The following CIZ1 variants were observed in gnomAD, a reference collection of about 807,000 sequenced individuals.
CIZ1 encodes cip1-interacting zinc finger protein.
In CIZ1, 58 loss-of-function variants were observed where a neutral mutation model predicts 118.6. The ratio of observed to expected loss-of-function variants is 0.49; its 90% CI spans 0.40 to 0.61. The LOEUF (loss-of-function observed/expected upper bound fraction) is 0.61. Ranked by LOEUF, CIZ1 falls within the 20% of genes least tolerant of loss-of-function variation. The probability of loss-of-function intolerance (pLI) is 0.00; values close to 1 mark genes in which losing one functional copy is unlikely to be tolerated. For missense variants in CIZ1, 921 were observed against 1,115.9 expected (o/e 0.83, Z 2.49); for synonymous variants, 448 against 443.4 (o/e 1.01, Z -0.13).
At chr9:128,171,693 C>T (rs1032825075) in intron 11 of CIZ1, among the ~76,000 whole-genome samples, 6 of 151,772 alleles carry the variant, frequency 4.0e-5, no homozygotes, top group Non-Finnish European at 8.8e-5. Context: ...GCCAAGATCG[C>T]GCCACTGCAC....
At chr9:128,191,761 G>A, upstream of CIZ1, 1 of 1,406,916 alleles carries the variant, frequency 7.1e-7, no homozygotes, top group Non-Finnish European at 9.3e-7. The surrounding 1 kb of genome is among the most constrained non-coding windows in gnomAD (Gnocchi z 5.5). Flanking sequence ...GCATCGCGAA[G>A]GGGAGGCTCG....
chr9:128,173,135 C>CT (rs957423189), intron 11 of CIZ1, among the ~76,000 whole-genome samples: 1,856 of 80,836 alleles, frequency 0.023, 147 homozygotes, highest in African/African-American at 0.049. Flanking sequence ...TGGCTAATTT[C>CT]TTTTTTTTTT....
At chr9:128,199,193 C>T (rs966121543) in intron 1 of CIZ1, among the ~76,000 whole-genome samples, 2 of 151,854 alleles carry the variant, frequency 1.3e-5, no homozygotes, top group African/African-American at 4.8e-5. Flanking sequence ...CATGGTGAAA[C>T]CCTGTCTGTA....
chr9:128,172,498 A>G (rs542017373), intron 11 of CIZ1, among the ~76,000 whole-genome samples: 149 of 152,186 alleles, frequency 9.8e-4, no homozygotes, highest in South Asian at 3.1e-3. Flanking sequence ...CTCTCAAAAA[A>G]AAACCAAAAA....
chr9:128,180,427 T>A lies in CIZ1; in HGVS notation c.779A>T (p.Lys260Met). ...CAGCATCAGTTACCTCCTCAATCTC[T>A]TTGCTGGCAGCTCGGACGCCTCACA... The part of the protein sequence containing the change: ...EPCEASELPA[K>M]RLRSSEEPTE... Residue 260 changes from lysine to methionine, a missense_variant, in exon 7 of 17, where the codon AAG becomes ATG. Physicochemically the swap from Lys to Met is moderately conservative, Grantham distance 95 (BLOSUM62 -1). Coordinates refer to ENST00000372938, the MANE Select transcript of CIZ1 (RefSeq NM_001131016.2). 1 of 1,613,758 alleles carries A rather than the reference T, an allele frequency of 6.2e-7. No homozygotes were observed. The highest frequency in any genetic ancestry group is 8.5e-7 in the Non-Finnish European group (1 of 1,179,700).
chr9:128,191,845 C>A (rs1367865655), upstream of CIZ1: 1 of 1,479,184 alleles, frequency 6.8e-7, no homozygotes, highest in Non-Finnish European at 9.0e-7. This position sits in a 1 kb window ranked among gnomAD's most constrained non-coding sequence, Gnocchi z 5.5. Flanking sequence ...CCTTCCTGTT[C>A]CCAACCCACC....
intron 1 of CIZ1, chr9:128,197,255 C>G: frequency 6.6e-6 from 1 of 152,378 alleles, no homozygotes; most frequent in Non-Finnish European, 1.5e-5. Flanking sequence ...TTTCTTCCCT[C>G]TGTCCTCAGG....
At chr9:128,173,515 C>G (rs1830425614) in intron 11 of CIZ1, among the ~76,000 whole-genome samples, 2 of 151,848 alleles carry the variant, frequency 1.3e-5, no homozygotes, top group African/African-American at 4.8e-5. Context: ...TAAACTCAAG[C>G]AATCCCCCCA....
chr9:128,180,565 G>A, intron 6 of CIZ1, 42 bp from the exon 7 acceptor site: 2 of 1,554,654 alleles, frequency 1.3e-6, no homozygotes, highest in Non-Finnish European at 1.8e-6. Context: ...GTTGGGAAGA[G>A]CAAGCATCTC....
chr9:128,182,130 T>C (rs922567498), intron 5 of CIZ1, among the ~76,000 whole-genome samples: 9 of 152,144 alleles, frequency 5.9e-5, no homozygotes, highest in Non-Finnish European at 1.2e-4. Flanking sequence ...TTACCTATCA[T>C]TGGAGGTGAC....
At position 128,203,693 on chromosome 9, in the gene CIZ1, C is replaced by T. The variant is rs1160322504; in HGVS notation, c.-6+493G>A. 5.1e-6 allele frequency: 7 copies of T among 1,383,014 alleles called. No individual in the cohort carries two copies. Among genetic ancestry groups the T allele is most frequent in the Non-Finnish European group, 6.5e-6 (7 of 1,070,416 alleles). The allele number at this position is 1,383,014 out of a possible 1,614,324, so 85.7% of individuals were successfully genotyped here. A position where few individuals can be genotyped will look rare whatever the true frequency, so the allele number is the denominator to read the frequency against. On this transcript the variant is annotated intron_variant, in intron 1 of 17. Coordinates refer to the CIZ1 transcript ENST00000372948. This position sits in a 1 kb window ranked among gnomAD's most constrained non-coding sequence, Gnocchi z 5.3. ...CCCCGGGATCCCTGGAGTCCCCGCC[C>T]GGGGCACTGACGGCGCGGCGACCTC...
At chr9:128,168,934 G>A in intron 14 of CIZ1, 118 bp downstream of exon 14, 2 of 1,385,770 alleles carry the variant, frequency 1.4e-6, no homozygotes, top group Non-Finnish European at 1.0e-6. Context: ...ATCAGTTGTG[G>A]CATGCATTAG....
At position 128,203,432 on chromosome 9, in the gene CIZ1, G is replaced by A; in HGVS notation, c.-6+754C>T. 7.0e-7 allele frequency: 1 copy of A among 1,425,060 alleles called. No individual in the cohort carries two copies. The highest frequency in any genetic ancestry group is 9.2e-7 in the Non-Finnish European group (1 of 1,085,726). 88.3% of individuals were successfully genotyped at this position (1,425,060 alleles called of 1,614,324 possible). A position where few individuals can be genotyped will look rare whatever the true frequency, so the allele number is the denominator to read the frequency against. ...GCCGGAGTCGGAGCCGGGAGCGCTA[G>A]CGGCAGCCGGATCGCAGCCTGCGGG... On this transcript the variant is annotated intron_variant, in intron 1 of 17. Transcript: ENST00000372948. The surrounding 1 kb of genome is among the most constrained non-coding windows in gnomAD (Gnocchi z 5.3).
At position 128,185,854 on chromosome 9, in the gene CIZ1, A is replaced by G. The variant is rs566515297; in HGVS notation, c.359-78T>C. 1.3e-5 allele frequency: 13 copies of G among 964,714 alleles called. No individual in the cohort carries two copies. In the East Asian group the frequency reaches 2.8e-4, roughly 21 times the overall value. The allele number at this position is 964,714 out of a possible 1,614,324, so 59.8% of individuals were successfully genotyped here. A position where few individuals can be genotyped will look rare whatever the true frequency, so the allele number is the denominator to read the frequency against. On this transcript the variant is annotated intron_variant, in intron 4 of 16. Coordinates refer to ENST00000372938, the MANE Select transcript of CIZ1 (RefSeq NM_001131016.2). ...AGGTAGGGTCAGGCATCAGTGCCCCAGAGCATCATGGGAACATCCCAGATA... is the reference window on the plus strand; with the variant it reads ...AGGTAGGGTCAGGCATCAGTGCCCCGGAGCATCATGGGAACATCCCAGATA...
intron 1 of CIZ1, chr9:128,204,172 C>G (rs1169251406): frequency 1.3e-5 from 2 of 152,564 alleles, no homozygotes; most frequent in East Asian, 3.9e-4. Context: ...GGCCTCCCGC[C>G]AGCACACACA....
chr9:128,185,041 G>A (rs1832174083), intron 5 of CIZ1, among the ~76,000 whole-genome samples: 1 of 152,136 alleles, frequency 6.6e-6, no homozygotes, highest in South Asian at 2.1e-4. Context: ...CACTTTGGGA[G>A]GCTGAGGCGG....
At chr9:128,178,274 C>T (rs1831123642) in intron 9 of CIZ1, 95 bp downstream of exon 9, 2 of 1,416,348 alleles carry the variant, frequency 1.4e-6, no homozygotes, top group African/African-American at 1.4e-5. Flanking sequence ...GGGGGAAACA[C>T]AAGGAGGCCC....
chr9:128,197,593 A>G (rs1301670043), intron 1 of CIZ1: 1 of 152,222 alleles, frequency 6.6e-6, no homozygotes, highest in Admixed American at 6.5e-5. Context: ...TGCTGCCCCT[A>G]CCTTCCGGGG....
At chr9:128,169,754 AGAC>A (rs2130906674) in intron 12 of CIZ1, 2 of 1,508,202 alleles carry the variant, frequency 1.3e-6, no homozygotes, top group South Asian at 2.4e-5. Flanking sequence ...CACAGAGAGA[AGAC>A]GAGAGAGAGG....
Sources: allele counts gnomAD v4.1 joint callset (sites outside exome capture counted in the v4.1 genomes callset), GRCh38; gene constraint gnomAD v4.1.1; non-coding constraint Gnocchi (gnomAD v3.1); transcripts MANE v1.5; gene names NCBI Gene and HGNC (gene_info 2026-07-23, HGNC 2026-07-21).